The following SLC1A6 variants were observed in gnomAD, a reference collection of about 807,000 sequenced individuals.
SLC1A6 encodes the protein solute carrier family 1 member 6, also known as excitatory amino acid transporter 4.
A neutral mutation model predicts 42.1 loss-of-function variants in SLC1A6; 15 were observed. The ratio of observed to expected loss-of-function variants is 0.36; its 90% CI spans 0.24 to 0.55. The LOEUF is 0.55. Among genes scored for constraint, SLC1A6 ranks in the 20% least tolerant of loss-of-function variants. The probability of loss-of-function intolerance (pLI) is 0.88; values close to 1 mark genes in which losing one functional copy is unlikely to be tolerated. For missense variants in SLC1A6, 542 were observed against 772.5 expected (o/e 0.70, Z 3.54); for synonymous variants, 317 against 319.7 (o/e 0.99, Z 0.09).
chr19:14,993,992 G>A lies in SLC1A6; in HGVS notation c.6+16493C>T, dbSNP rs182079202. ...TGAGCTGAGCACTAGAAGCTAGCGGGCCTTTTGCAGTTGACCCCATTTCTC... is the reference window on the plus strand; with the variant it reads ...TGAGCTGAGCACTAGAAGCTAGCGGACCTTTTGCAGTTGACCCCATTTCTC... On this transcript the variant is annotated intron_variant, in intron 1 of 8. Coordinates refer to the SLC1A6 transcript ENST00000430939. Among the ~76,000 whole-genome samples, 18 of 152,260 alleles carry A rather than the reference G, an allele frequency of 1.2e-4. No homozygotes were observed. The East Asian group carries it at 3.3e-3, about 28-fold the overall frequency.
At chr19:14,950,464 G>GACCCCCCTCTGCT in intron 9 of SLC1A6, 74 bp from the exon 10 acceptor site, 2 of 1,209,036 alleles carry the variant, frequency 1.7e-6, no homozygotes, top group Non-Finnish European at 1.2e-6. Context: ...GCAGCAGAGG[G>GACCCCCCTCTGCT]GGGTCCCTGT....
chr19:14,969,213 C>T (rs954372294), intron 3 of SLC1A6, among the ~76,000 whole-genome samples: 5 of 152,176 alleles, frequency 3.3e-5, no homozygotes, highest in Non-Finnish European at 5.9e-5. Flanking sequence ...ACCCACCTCA[C>T]GGCGCACCCT....
intron 3 of SLC1A6, 21 bp from the exon 4 acceptor site, chr19:14,968,528 C>T (rs1192916671): frequency 2.5e-6 from 4 of 1,586,590 alleles, no homozygotes; most frequent in African/African-American, 1.3e-5. Flanking sequence ...GATGATGTGG[C>T]CCCCGCAGCT....
intron 1 of SLC1A6, among the ~76,000 whole-genome samples, chr19:15,005,553 T>C (rs117426103): frequency 7.1e-4 from 108 of 152,162 alleles, no homozygotes; most frequent in Non-Finnish European, 1.4e-3. Flanking sequence ...CACCTGTTCT[T>C]CAAATACATA....
intron 2 of SLC1A6, among the ~76,000 whole-genome samples, 157 bp from the exon 3 acceptor site, chr19:14,972,031 T>C (rs1197852589): frequency 6.6e-6 from 1 of 152,196 alleles, no homozygotes; most frequent in Non-Finnish European, 1.5e-5. Flanking sequence ...TGTGCAGACA[T>C]TGTAGAAATG....
In SLC1A6 at chr19:14,979,785, T is replaced by C. The variant is rs6511992; in HGVS notation, c.-484A>G. 0.36 allele frequency: 53,297 copies of C among 146,214 alleles called. 9,718 individuals carry two copies. The highest frequency in any genetic ancestry group is 0.44 in the African/African-American group (17,740 of 39,888). The allele number at this position is 146,214 out of a possible 1,614,324, so 9.1% of individuals were successfully genotyped here. A position where few individuals can be genotyped will look rare whatever the true frequency, so the allele number is the denominator to read the frequency against. ...GGGCGGGATCCCCTCCGCGATGCCC[T>C]CCGCCTCCCCCGCGCCCAGCCCAGG... On this transcript the variant is annotated 5_prime_UTR_variant, in exon 1 of 10. Transcript: ENST00000594383. This position sits in a 1 kb window ranked among gnomAD's most constrained non-coding sequence, Gnocchi z 4.2.
chr19:14,950,153 GC>G lies in SLC1A6; in HGVS notation c.*41del. On this transcript the variant is annotated 3_prime_UTR_variant, in exon 10 of 10. Coordinates refer to ENST00000594383, the MANE Select transcript of SLC1A6 (RefSeq NM_005071.3). Reference sequence around the variant, plus strand: ...TGTGTCACCAGGACTCCCCTCCCCAGCCCCCTTCCCTCCTCTCTGGGGGGGC... The same window carrying G: ...TGTGTCACCAGGACTCCCCTCCCCAGCCCCTTCCCTCCTCTCTGGGGGGGC... 1 of 1,410,816 alleles carries G rather than the reference GC, an allele frequency of 7.1e-7. No individual in the cohort carries two copies. The highest frequency in any genetic ancestry group is 9.4e-7 in the Non-Finnish European group (1 of 1,063,896). The allele number at this position is 1,410,816 out of a possible 1,614,324, so 87.4% of individuals were successfully genotyped here.
intron 1 of SLC1A6, among the ~76,000 whole-genome samples, chr19:14,990,660 T>C (rs1324476917): frequency 6.6e-6 from 1 of 151,998 alleles, no homozygotes; most frequent in Non-Finnish European, 1.5e-5. Flanking sequence ...TCGCAGCTAC[T>C]TAGGAAGCTG....
At position 14,971,679 on chromosome 19, in the gene SLC1A6, G is replaced by A. The variant is rs571868172; in HGVS notation, c.343+58C>T. Reference sequence around the variant, plus strand: ...ATGCTTGGGATGGCCTTGGCTCTGGGTTCAAGCTGAGGCTCTAGACGGGTC... The same window carrying A: ...ATGCTTGGGATGGCCTTGGCTCTGGATTCAAGCTGAGGCTCTAGACGGGTC... On this transcript the variant is annotated intron_variant, in intron 3 of 9. Coordinates refer to ENST00000594383, the MANE Select transcript of SLC1A6 (RefSeq NM_005071.3). 40 of 1,579,284 alleles carry A rather than the reference G, an allele frequency of 2.5e-5. No homozygotes were observed. The African/African-American group carries it at 4.0e-4, about 16-fold the overall frequency.
At chr19:14,986,576 C>G (rs530947816) in intron 1 of SLC1A6, among the ~76,000 whole-genome samples, 1 of 139,036 alleles carries the variant, frequency 7.2e-6, no homozygotes, top group Admixed American at 7.7e-5. Flanking sequence ...TTATCAAGTA[C>G]AAGCCTAAAT....
chr19:15,005,140 G>A (rs368138109), intron 1 of SLC1A6, among the ~76,000 whole-genome samples: 14 of 151,904 alleles, frequency 9.2e-5, no homozygotes, highest in East Asian at 3.9e-4. Flanking sequence ...CATGCCCATA[G>A]GGCCAGCTAC....
At chr19:14,988,081 G>C (rs1328528973) in intron 1 of SLC1A6, among the ~76,000 whole-genome samples, 2 of 152,184 alleles carry the variant, frequency 1.3e-5, no homozygotes, top group Non-Finnish European at 1.5e-5. Context: ...GCTGAGGCAG[G>C]AGAATTTCTT....
intron 2 of SLC1A6, 43 bp downstream of exon 2, chr19:14,972,663 C>T (rs1355818201): frequency 1.3e-6 from 2 of 1,556,690 alleles, no homozygotes; most frequent in Admixed American, 1.7e-5. Flanking sequence ...CTGAAGTCCC[C>T]GCCTTTCCCT....
chr19:14,994,422 C>T (rs2045835198), intron 1 of SLC1A6, among the ~76,000 whole-genome samples: 1 of 152,106 alleles, frequency 6.6e-6, no homozygotes. Flanking sequence ...GTAATAACCC[C>T]CAGATGCTGA....
chr19:14,997,015 G>A (rs951428743), intron 1 of SLC1A6, among the ~76,000 whole-genome samples: 1 of 152,070 alleles, frequency 6.6e-6, no homozygotes, highest in African/African-American at 2.4e-5. Context: ...AGTCAAGCTG[G>A]GAACTACTTA....
intron 2 of SLC1A6, 143 bp from the exon 3 acceptor site, chr19:14,972,017 G>A (rs1254671745): frequency 2.9e-6 from 2 of 699,354 alleles, no homozygotes; most frequent in Non-Finnish European, 4.8e-6. Flanking sequence ...TGTGTGCACT[G>A]ATGTGTGCAG....
At chr19:14,997,128 C>T (rs74792303) in intron 1 of SLC1A6, among the ~76,000 whole-genome samples, 5,284 of 152,224 alleles carry the variant, frequency 0.035, 197 homozygotes, top group African/African-American at 0.091. Context: ...AAAGGACAGA[C>T]AAAACTCAGT....
chr19:14,991,157 G>A (rs778334251), intron 1 of SLC1A6, among the ~76,000 whole-genome samples: 1 of 152,192 alleles, frequency 6.6e-6, no homozygotes, highest in African/African-American at 2.4e-5. Context: ...GAAATGTCCA[G>A]AATAGGCAAA....
At chr19:14,965,308 T>G (rs1306552210) in intron 4 of SLC1A6, among the ~76,000 whole-genome samples, 2 of 152,146 alleles carry the variant, frequency 1.3e-5, no homozygotes. Context: ...CGTGAGCCAC[T>G]GCGCCTGGCT....
Sources: gnomAD v4.1 joint callset for allele counts (sites outside exome capture counted in the v4.1 genomes callset) on GRCh38, gnomAD v4.1.1 for gene constraint, Gnocchi (gnomAD v3.1) non-coding constraint, MANE v1.5 for transcripts, NCBI Gene and HGNC (gene_info 2026-07-23, HGNC 2026-07-21) for gene names.